Variants in CTIF observed in about 807,000 individuals in gnomAD.
CTIF encodes CBP80/20-dependent translation initiation factor.
Under a neutral mutation model 66.0 loss-of-function variants are expected in CTIF, and 21 were observed. The observed-to-expected ratio is 0.32, with a 90% CI of 0.23 to 0.46. CTIF has a LOEUF of 0.46. Among genes scored for constraint, CTIF ranks in the 20% least tolerant of loss-of-function variants. The pLI, the probability that CTIF is intolerant of heterozygous loss-of-function variation, is 1.00. For synonymous variants in CTIF, 345 were observed against 326.4 expected, an observed-to-expected ratio of 1.06 and a Z score of -0.62; for missense variants, 739 against 812.7, an observed-to-expected ratio of 0.91 and a Z score of 1.10.
chr18:48,813,818 C>G (rs2068308279), intron 9 of CTIF, among the ~76,000 whole-genome samples: 2 of 152,202 alleles, frequency 1.3e-5, no homozygotes, highest in Non-Finnish European at 2.9e-5. Flanking sequence ...TGCCTGAGAG[C>G]ACCATCCCTT....
intron 10 of CTIF, among the ~76,000 whole-genome samples, chr18:48,831,955 T>C (rs1046893865): frequency 3.3e-5 from 5 of 152,152 alleles, no homozygotes; most frequent in African/African-American, 1.2e-4. Context: ...GACCAGGCGG[T>C]CTGGAGGCAG....
chr18:48,738,224 C>G (rs2092521202), intron 7 of CTIF, among the ~76,000 whole-genome samples: 1 of 152,226 alleles, frequency 6.6e-6, no homozygotes, highest in Admixed American at 6.5e-5. Flanking sequence ...AGGATCTCCA[C>G]CTCTTACTCC....
chr18:48,777,672 A>C (rs1910818172), intron 9 of CTIF, among the ~76,000 whole-genome samples: 1 of 152,210 alleles, frequency 6.6e-6, no homozygotes, highest in African/African-American at 2.4e-5. Flanking sequence ...CAACCAGCTG[A>C]GGCTGCATTT....
At chr18:48,583,340 T>C (rs2089700391) in intron 1 of CTIF, among the ~76,000 whole-genome samples, 1 of 152,236 alleles carries the variant, frequency 6.6e-6, no homozygotes, top group Non-Finnish European at 1.5e-5. Context: ...AAAATGTTAA[T>C]GAATGCCCTG....
chr18:48,594,381 C>T (rs2089952400), intron 1 of CTIF, among the ~76,000 whole-genome samples: 1 of 141,880 alleles, frequency 7.0e-6, no homozygotes, highest in South Asian at 2.6e-4. Context: ...GTCCTGCTTG[C>T]TCCAGGCCCC....
At chr18:48,827,002 T>A (rs1466673724) in intron 10 of CTIF, among the ~76,000 whole-genome samples, 1 of 150,792 alleles carries the variant, frequency 6.6e-6, no homozygotes, top group Non-Finnish European at 1.5e-5. Flanking sequence ...ATGGGGGAAA[T>A]GGGGAAAGCC....
chr18:48,553,431 G>A (rs1384686806), intron 1 of CTIF, among the ~76,000 whole-genome samples: 1 of 152,184 alleles, frequency 6.6e-6, no homozygotes, highest in Non-Finnish European at 1.5e-5. Flanking sequence ...GGCCCAGGTG[G>A]CTGGCAGATG....
intron 1 of CTIF, among the ~76,000 whole-genome samples, chr18:48,586,639 T>C (rs1327073327): frequency 6.6e-6 from 1 of 152,254 alleles, no homozygotes; most frequent in Non-Finnish European, 1.5e-5. Flanking sequence ...ACTGCGAAGA[T>C]TTTTCAGGAA....
chr18:48,634,127 A>G (rs78863833), intron 2 of CTIF, among the ~76,000 whole-genome samples: 2,882 of 152,220 alleles, frequency 0.019, 35 homozygotes, highest in African/African-American at 0.031. Flanking sequence ...GTTCTGGTCA[A>G]TGCTTCTGTA....
intron 1 of CTIF, among the ~76,000 whole-genome samples, chr18:48,604,168 GTTTTTTTTTTTTT>G (rs34544217): frequency 7.9e-5 from 5 of 63,264 alleles, no homozygotes; most frequent in African/African-American, 1.5e-4. Flanking sequence ...TTTTTTAAGG[GTTTTTTTTTTTTT>G]TTTTTTTTTT....
At chr18:48,681,030 C>G (rs965087488) in intron 6 of CTIF, among the ~76,000 whole-genome samples, 1 of 152,204 alleles carries the variant, frequency 6.6e-6, no homozygotes, top group South Asian at 2.1e-4. Flanking sequence ...CAGGCTGACC[C>G]GCCGGCAGGC....
chr18:48,639,453 C>T (rs967101438), intron 3 of CTIF, among the ~76,000 whole-genome samples: 3 of 152,112 alleles, frequency 2.0e-5, no homozygotes, highest in Admixed American at 2.0e-4. Context: ...GCCTGGAGTT[C>T]AGAAACCTGG....
chr18:48,569,460 GA>G (rs1184235362), intron 1 of CTIF, among the ~76,000 whole-genome samples: 3 of 141,232 alleles, frequency 2.1e-5, no homozygotes, highest in Non-Finnish European at 4.7e-5. Flanking sequence ...ATTCATAAAT[GA>G]AAAAAAAACA....
In CTIF at chr18:48,793,256, C is replaced by T. The variant is rs77179039; in HGVS notation, c.1372-23965C>T. 5.1e-3 allele frequency among the ~76,000 whole-genome samples: 778 copies of T among 152,296 alleles called. 7 individuals carry two copies. Among genetic ancestry groups the T allele is most frequent in the African/African-American group, 0.018 (757 of 41,560 alleles). Reference sequence around the variant, plus strand: ...TCAGGAGGCTCCTGCCAGGGAGAAGCAGGGAGGGGCAGGCTGCAACCCCAC... The same window carrying T: ...TCAGGAGGCTCCTGCCAGGGAGAAGTAGGGAGGGGCAGGCTGCAACCCCAC... On this transcript the variant is annotated intron_variant, in intron 9 of 11. Coordinates refer to ENST00000256413, the MANE Select transcript of CTIF (RefSeq NM_014772.3).
At chr18:48,572,316 G>A (rs2089435002) in intron 1 of CTIF, among the ~76,000 whole-genome samples, 1 of 152,156 alleles carries the variant, frequency 6.6e-6, no homozygotes, top group Non-Finnish European at 1.5e-5. Context: ...GAGTGTTTGA[G>A]CAAGCAGCTG....
intron 9 of CTIF, among the ~76,000 whole-genome samples, chr18:48,803,705 G>A (rs1032460909): frequency 6.6e-6 from 1 of 152,216 alleles, no homozygotes; most frequent in Non-Finnish European, 1.5e-5. Flanking sequence ...ATTGGGCTGA[G>A]AGATAGTCAT....
At chr18:48,609,755 T>C (rs777866422) in intron 1 of CTIF, among the ~76,000 whole-genome samples, 11 of 152,356 alleles carry the variant, frequency 7.2e-5, no homozygotes, top group Non-Finnish European at 1.0e-4. Context: ...TTGTTTCAGC[T>C]ATGACTTCCC....
chr18:48,742,722 G>A (rs949928178), intron 7 of CTIF, among the ~76,000 whole-genome samples: 1 of 152,252 alleles, frequency 6.6e-6, no homozygotes, highest in Non-Finnish European at 1.5e-5. Context: ...TGGACAGTAA[G>A]CACCTTGCCC....
At chr18:48,572,558 T>G (rs1006384170) in intron 1 of CTIF, among the ~76,000 whole-genome samples, 4 of 152,178 alleles carry the variant, frequency 2.6e-5, no homozygotes, top group Non-Finnish European at 5.9e-5. Flanking sequence ...GAATCTGGCC[T>G]GGGCTAGTCC....
Sources: allele counts gnomAD v4.1 joint callset (sites outside exome capture counted in the v4.1 genomes callset), GRCh38; gene constraint gnomAD v4.1.1; transcripts MANE v1.5; gene names NCBI Gene and HGNC (gene_info 2026-07-23, HGNC 2026-07-21).